ZNF507: variants seen among roughly 807,000 people sequenced by gnomAD.
ZNF507 encodes zinc finger protein 507.
A neutral mutation model predicts 80.0 loss-of-function variants in ZNF507; 29 were observed. The ratio of observed to expected loss-of-function variants is 0.36; its 90% CI spans 0.27 to 0.49. ZNF507 has a LOEUF of 0.49. Among genes scored for constraint, ZNF507 ranks in the 20% least tolerant of loss-of-function variants. The pLI, the probability that ZNF507 is intolerant of heterozygous loss-of-function variation, is 0.98. For synonymous variants in ZNF507, 462 were observed against 422.5 expected (o/e 1.09, Z -1.15); for missense variants, 1,081 against 1,152.2 (o/e 0.94, Z 0.90).
Position 32,354,192 on chromosome 19 carries a change from G to A in ZNF507, c.1362G>A (p.Leu454=). The part of the protein sequence containing the change: ...ADKCTVDIGG[L]IIGWSSSEKK... ...AATGTACTGTTGATATTGGGGGATT[G>A]ATCATAGGCTGGAGCAGTTCAGAGA... Residue 454 remains leucine, a synonymous_variant, in exon 3 of 7, where the codon TTG becomes TTA. Coordinates refer to ENST00000355898, the MANE Select transcript of ZNF507 (RefSeq NM_001136156.2). 1.2e-6 allele frequency: 2 copies of A among 1,613,522 alleles called. No individual in the cohort carries two copies. The highest frequency in any genetic ancestry group is 1.7e-6 in the Non-Finnish European group (2 of 1,180,028).
chr19:32,358,578 C>T (rs971303504), intron 4 of ZNF507: 3 of 152,330 alleles, frequency 2.0e-5, no homozygotes, highest in Non-Finnish European at 2.9e-5. Flanking sequence ...TCAGCAGATA[C>T]CGCAGGAGCT....
chr19:32,366,758 A>G (rs879448207), intron 5 of ZNF507, among the ~76,000 whole-genome samples: 1 of 152,270 alleles, frequency 6.6e-6, no homozygotes, highest in Non-Finnish European at 1.5e-5. Flanking sequence ...GTAATTGGAC[A>G]TGTATATGTA....
chr19:32,387,091 T>A lies in ZNF507; in HGVS notation c.*4008T>A, dbSNP rs1433101296. The A allele has an allele frequency of 6.6e-6, 1 of 152,180 alleles. No individual in the cohort carries two copies. The highest frequency in any genetic ancestry group is 1.5e-5 in the Non-Finnish European group (1 of 68,032). 9.4% of individuals were successfully genotyped at this position (152,180 alleles called of 1,614,324 possible). ...AAAAATTAAGTCTAATTTTGAAGCT[T>A]TTTTCCTTGCTACCCAGTTCAGTTT... On this transcript the variant is annotated 3_prime_UTR_variant, in exon 7 of 7. Coordinates refer to ENST00000355898, the MANE Select transcript of ZNF507 (RefSeq NM_001136156.2).
intron 1 of ZNF507, among the ~76,000 whole-genome samples, chr19:32,346,174 G>T (rs1234207566): frequency 6.6e-6 from 1 of 152,092 alleles, no homozygotes; most frequent in African/African-American, 2.4e-5. Context: ...CCTCATTCCC[G>T]ACCCATCACC....
In ZNF507 at chr19:32,354,760, C is replaced by A. The variant is rs765392479; in HGVS notation, c.1930C>A (p.Arg644Ser). ...IPNAERPYRC[R>S]LCHYTSGNKG... ...GAATGCTGAACGACCCTACCGTTGC[C>A]GCCTGTGTCACTACACAAGTGGCAA... Residue 644 changes from arginine (R) to serine (S), a missense_variant, in exon 3 of 7, where the codon CGC becomes AGC. Physicochemically the swap from Arg to Ser is moderately radical, Grantham distance 110. This residue lies in a region of ZNF507 where 614 missense variants were observed against 583.9 expected (regional missense o/e 1.05). Coordinates refer to ENST00000355898, the MANE Select transcript of ZNF507 (RefSeq NM_001136156.2). 1.2e-6 allele frequency: 2 copies of A among 1,614,000 alleles called. No individual in the cohort carries two copies. Among genetic ancestry groups the A allele is most frequent in the East Asian group, 4.5e-5 (2 of 44,880 alleles).
chr19:32,382,583 C>T lies in ZNF507; in HGVS notation c.2477C>T (p.Ala826Val), dbSNP rs772624116. ...YEQVNKAIND[A>V]ISQSGRVLGK... ...CAAGTAAACAAGGCTATTAACGACG[C>T]GATTTCACAAAGTGGCAGGTATTTC... Residue 826 changes from alanine to valine, a missense_variant, in exon 6 of 7, where the codon GCG becomes GTG. This residue lies in a region of ZNF507 where 138 missense variants were observed against 158.4 expected (regional missense o/e 0.87). Coordinates refer to ENST00000355898, the MANE Select transcript of ZNF507 (RefSeq NM_001136156.2). The T allele has an allele frequency of 1.5e-5, 24 of 1,614,116 alleles. No individual in the cohort carries two copies. Among genetic ancestry groups the T allele is most frequent in the South Asian group, 5.5e-5 (5 of 91,084 alleles).
At chr19:32,375,820 A>C (rs1042176797) in intron 5 of ZNF507, among the ~76,000 whole-genome samples, 7 of 152,192 alleles carry the variant, frequency 4.6e-5, no homozygotes, top group Non-Finnish European at 1.0e-4. Context: ...ACCAATGAAA[A>C]TATGCCTTTT....
chr19:32,369,944 CTGTG>C (rs148147046), intron 5 of ZNF507, among the ~76,000 whole-genome samples: 2 of 151,872 alleles, frequency 1.3e-5, no homozygotes, highest in Admixed American at 1.3e-4. Context: ...CCTTCCTTCT[CTGTG>C]TGTGTGTGTA....
intron 3 of ZNF507, 42 bp from the exon 4 acceptor site, chr19:32,356,574 T>A (rs1411659770): frequency 7.0e-7 from 1 of 1,420,626 alleles, no homozygotes; most frequent in Admixed American, 1.7e-5. Context: ...GAGTTGGACA[T>A]GTATATTTAT....
chr19:32,381,515 G>A (rs1033130217), intron 5 of ZNF507, among the ~76,000 whole-genome samples: 13 of 151,866 alleles, frequency 8.6e-5, no homozygotes, highest in Admixed American at 3.9e-4. Context: ...CATGAGAATC[G>A]CTTGAACCCA....
rs1223906411 is a variant in ZNF507 at position 32,387,301 on chromosome 19, C to T, written c.*4218C>T. Reference sequence around the variant, plus strand: ...GCTATTGACATATTTGTTGCATTGACGAAGCTAACATCATCTGACTGTATC... The same window carrying T: ...GCTATTGACATATTTGTTGCATTGATGAAGCTAACATCATCTGACTGTATC... On this transcript the variant is annotated 3_prime_UTR_variant, in exon 7 of 7. Coordinates refer to ENST00000355898, the MANE Select transcript of ZNF507 (RefSeq NM_001136156.2). The T allele has an allele frequency of 6.6e-6, 1 of 152,178 alleles. No individual in the cohort carries two copies. Among genetic ancestry groups the T allele is most frequent in the Non-Finnish European group, 1.5e-5 (1 of 68,024 alleles). The allele number at this position is 152,178 out of a possible 1,614,324, so 9.4% of individuals were successfully genotyped here.
chr19:32,381,632 C>A lies in ZNF507; in HGVS notation c.2361-835C>A, dbSNP rs76864685. Among the ~76,000 whole-genome samples, 560 of 152,082 alleles carry A rather than the reference C, an allele frequency of 3.7e-3. 6 individuals are homozygous for A. The highest frequency in any genetic ancestry group is 0.012 in the African/African-American group (500 of 41,454). On this transcript the variant is annotated intron_variant, in intron 5 of 6. Coordinates refer to ENST00000355898, the MANE Select transcript of ZNF507 (RefSeq NM_001136156.2). ...CAAACAACAACAACAACAACAACAA[C>A]AAAAAACCCCACAGAATTGTACAAC... is the stretch of plus-strand genomic sequence containing the variant.
intron 5 of ZNF507, among the ~76,000 whole-genome samples, chr19:32,376,434 G>T (rs1967547682): frequency 6.6e-6 from 1 of 152,132 alleles, no homozygotes; most frequent in Non-Finnish European, 1.5e-5. Context: ...CTGTGGTGGG[G>T]AATATGCAAA....
rs753719662 is a variant in ZNF507, at chr19:32,360,568, T to C, written c.2310T>C (p.Tyr770=). The part of the protein sequence containing the change: ...CDVCDYTSTT[Y]VGVRNHRRIH... The stretch of plus-strand genomic sequence containing the variant: ...TGTGTGATTATACAAGTACAACATA[T>C]GTTGGTGTCAGAAACCACAGGCGAA... The change falls in exon 5 of 7, where the codon TAT becomes TAC. Residue 770 remains tyrosine, a synonymous_variant. Transcript: ENST00000355898. The C allele has an allele frequency of 1.3e-5, 21 of 1,605,052 alleles. No homozygotes were observed. The East Asian group carries it at 3.4e-4, about 26-fold the overall frequency.
intron 5 of ZNF507, among the ~76,000 whole-genome samples, chr19:32,370,783 G>T (rs1434507611): frequency 1.3e-5 from 2 of 152,036 alleles, no homozygotes; most frequent in Non-Finnish European, 2.9e-5. Context: ...TGAGCTTTTG[G>T]TATCATAACC....
At chr19:32,361,726 C>A (rs201020665) in intron 5 of ZNF507, among the ~76,000 whole-genome samples, 2 of 144,628 alleles carry the variant, frequency 1.4e-5, no homozygotes, top group East Asian at 4.0e-4. Context: ...TCCTTTCTTC[C>A]TTTCCTTCCT....
intron 2 of ZNF507, among the ~76,000 whole-genome samples, chr19:32,351,533 C>CGGGGGGGTG (rs368340292): frequency 1.2e-4 from 2 of 16,962 alleles, no homozygotes; most frequent in Non-Finnish European, 1.9e-4. Context: ...GGCGTGGGGG[C>CGGGGGGGTG]GGGCGGGGCC....
chr19:32,353,742 AGTC>A lies in ZNF507; in HGVS notation c.916_918del (p.Val306del). ...CTGCTGCGCCTGGTGGGGTCGATGC[AGTC>A]GTCATTGCTATTGGAGAGAGTGAAC... On this transcript the variant is annotated inframe_deletion, in exon 3 of 7. Transcript: ENST00000355898. 4 of 1,614,232 alleles carry A rather than the reference AGTC, an allele frequency of 2.5e-6. No homozygotes were observed. Among genetic ancestry groups the A allele is most frequent in the Non-Finnish European group, 2.5e-6 (3 of 1,180,040 alleles).
chr19:32,350,654 G>A (rs1055682068), intron 2 of ZNF507, among the ~76,000 whole-genome samples: 1 of 152,066 alleles, frequency 6.6e-6, no homozygotes, highest in African/African-American at 2.4e-5. Flanking sequence ...GTAACCCTAC[G>A]GGTGTGCAAA....
Sources: allele counts gnomAD v4.1 joint callset (sites outside exome capture counted in the v4.1 genomes callset), GRCh38; gene constraint gnomAD v4.1.1; regional missense constraint gnomAD v4.1.1; transcripts MANE v1.5; gene names NCBI Gene and HGNC (gene_info 2026-07-23, HGNC 2026-07-21).